Variants in RAI1 observed in about 807,000 individuals in gnomAD.
RAI1 encodes the protein retinoic acid induced 1.
In RAI1, 9 loss-of-function variants were observed where a neutral mutation model predicts 123.8. That is an observed-to-expected ratio of 0.07 (90% CI 0.04 to 0.13). RAI1 has a LOEUF of 0.13. Ranked by LOEUF, RAI1 falls within the 10% of genes least tolerant of loss-of-function variation. The pLI, the probability that RAI1 is intolerant of heterozygous loss-of-function variation, is 1.00. For synonymous variants in RAI1, 1,231 were observed against 1,127.3 expected, an observed-to-expected ratio of 1.09 and a Z score of -1.84; for missense variants, 2,256 against 2,545.8, an observed-to-expected ratio of 0.89 and a Z score of 2.45.
In RAI1 at chr17:17,797,847, TTCCTCA is replaced by T. The variant is rs1402461514; in HGVS notation, c.4905_4910del (p.Ser1638_Ser1639del). On this transcript the variant is annotated inframe_deletion, in exon 3 of 6. Transcript: ENST00000353383. ...GGAAGCCTTCCTCCTCTGCCTCCTC[TTCCTCA>T]TCCTCGTCCTCGTTCTCCTTGGATG... 3.7e-6 allele frequency: 6 copies of T among 1,613,864 alleles called. No individual in the cohort carries two copies. Among genetic ancestry groups the T allele is most frequent in the Non-Finnish European group, 3.4e-6 (4 of 1,180,006 alleles).
At chr17:17,752,180 G>A (rs1219720824) in intron 2 of RAI1, among the ~76,000 whole-genome samples, 1 of 152,174 alleles carries the variant, frequency 6.6e-6, no homozygotes, top group Non-Finnish European at 1.5e-5. Context: ...CATACCCACG[G>A]GCCAGTGCCG....
At chr17:17,798,671 G>A (rs1024077719) in intron 3 of RAI1, among the ~76,000 whole-genome samples, 158 bp downstream of exon 3, 2 of 152,158 alleles carry the variant, frequency 1.3e-5, no homozygotes, top group African/African-American at 2.4e-5. Flanking sequence ...TGGGGTGTGT[G>A]GGGGAAGTGG....
At chr17:17,782,634 C>A (rs1439156491) in intron 2 of RAI1, among the ~76,000 whole-genome samples, 3 of 141,468 alleles carry the variant, frequency 2.1e-5, no homozygotes, top group Non-Finnish European at 4.5e-5. Context: ...GTTGGGGGGG[C>A]GACGAGGACC....
At chr17:17,700,800 G>T (rs963127252) in intron 1 of RAI1, among the ~76,000 whole-genome samples, 21 of 131,770 alleles carry the variant, frequency 1.6e-4, no homozygotes, top group Admixed American at 1.3e-3. Context: ...GCGTTCAACC[G>T]CGCCGGCTTC....
chr17:17,692,759 C>T (rs1013133872), intron 1 of RAI1, among the ~76,000 whole-genome samples: 2 of 152,334 alleles, frequency 1.3e-5, no homozygotes, highest in South Asian at 4.1e-4. Flanking sequence ...CTTTCCTCAT[C>T]TATCAAGTGG....
intron 2 of RAI1, among the ~76,000 whole-genome samples, chr17:17,741,095 A>G (rs1327880255): frequency 1.6e-4 from 24 of 150,814 alleles, no homozygotes; most frequent in Admixed American, 1.3e-3. Flanking sequence ...GCGCGCGCAC[A>G]CACACACACA....
rs576879998 is a variant in RAI1 at position 17,737,711 on chromosome 17, A to G, written c.-17+13552A>G. The stretch of plus-strand genomic sequence containing the variant: ...TGAGGGTGGCCTTATTGCAGCAGAC[A>G]GATGGAGGGGGGCTACAAGGCTGAA... On this transcript the variant is annotated intron_variant, in intron 2 of 5. Coordinates refer to ENST00000353383, the MANE Select transcript of RAI1 (RefSeq NM_030665.4). 5.9e-5 allele frequency among the ~76,000 whole-genome samples: 9 copies of G among 152,250 alleles called. No homozygotes were observed. In the East Asian group the frequency reaches 9.7e-4, roughly 16 times the overall value.
At chr17:17,694,214 G>C (rs574365981) in intron 1 of RAI1, among the ~76,000 whole-genome samples, 13 of 152,310 alleles carry the variant, frequency 8.5e-5, no homozygotes, top group South Asian at 8.3e-4. Flanking sequence ...CAGCCGTGCT[G>C]AGGGGAAACG....
intron 2 of RAI1, among the ~76,000 whole-genome samples, chr17:17,752,779 T>G (rs956344588): frequency 2.6e-5 from 4 of 151,608 alleles, no homozygotes; most frequent in African/African-American, 7.2e-5. Context: ...TTCCGGCCGA[T>G]TCCTCACCCC....
intron 2 of RAI1, among the ~76,000 whole-genome samples, chr17:17,767,383 C>T (rs1816521622): frequency 6.6e-6 from 1 of 150,866 alleles, no homozygotes; most frequent in Admixed American, 6.6e-5. Flanking sequence ...AAACTCAGAG[C>T]TGTTGGTCTT....
At chr17:17,741,117 G>A (rs1023426250) in intron 2 of RAI1, among the ~76,000 whole-genome samples, 8 of 150,882 alleles carry the variant, frequency 5.3e-5, no homozygotes, top group Non-Finnish European at 7.4e-5. Flanking sequence ...ACACACTCGC[G>A]CACGCACACA....
At chr17:17,765,038 A>C (rs935527135) in intron 2 of RAI1, among the ~76,000 whole-genome samples, 9 of 152,180 alleles carry the variant, frequency 5.9e-5, no homozygotes, top group Non-Finnish European at 1.0e-4. Context: ...TAATCGGAGG[A>C]TCTTCGGTGG....
chr17:17,711,273 C>T (rs1480046201), intron 1 of RAI1, among the ~76,000 whole-genome samples: 1 of 152,214 alleles, frequency 6.6e-6, no homozygotes, highest in Non-Finnish European at 1.5e-5. Context: ...GCTGCCGCAG[C>T]ACCCCTGGAG....
intron 2 of RAI1, among the ~76,000 whole-genome samples, chr17:17,732,752 G>T (rs549903883): frequency 6.6e-6 from 1 of 152,122 alleles, no homozygotes; most frequent in Non-Finnish European, 1.5e-5. Context: ...AACCTGCTTC[G>T]TGCAGTCCTG....
At chr17:17,808,631 G>C (rs2032646942) in intron 4 of RAI1, among the ~76,000 whole-genome samples, 1 of 151,820 alleles carries the variant, frequency 6.6e-6, no homozygotes, top group Admixed American at 6.6e-5. Flanking sequence ...ATTTTTGATA[G>C]AGATGAGGTT....
chr17:17,695,911 T>G (rs1013157885), intron 1 of RAI1, among the ~76,000 whole-genome samples: 3 of 152,204 alleles, frequency 2.0e-5, no homozygotes, highest in Non-Finnish European at 4.4e-5. Flanking sequence ...TGTCGGCCTT[T>G]GGGTCTCCGA....
rs2032669576 is a variant in RAI1 at position 17,809,604 on chromosome 17, C to T, written c.5709+165C>T. Among the ~76,000 whole-genome samples, 1 of 152,092 alleles carries T rather than the reference C, an allele frequency of 6.6e-6. No individual in the cohort carries two copies. The highest frequency in any genetic ancestry group is 1.5e-5 in the Non-Finnish European group (1 of 67,982). On this transcript the variant is annotated intron_variant, in intron 5 of 5. Coordinates refer to ENST00000353383, the MANE Select transcript of RAI1 (RefSeq NM_030665.4). The surrounding 1 kb of genome is among the most constrained non-coding windows in gnomAD (Gnocchi z 4.9). ...GCCCACCCCCAGGAGCCCCCGCCGC[C>T]GTCCAGCTCAGGTCCCTGTCCACTT... is the stretch of plus-strand genomic sequence containing the variant.
At chr17:17,705,592 A>G (rs1310272200) in intron 1 of RAI1, among the ~76,000 whole-genome samples, 1 of 152,088 alleles carries the variant, frequency 6.6e-6, no homozygotes, top group Non-Finnish European at 1.5e-5. Context: ...CAGGTGTGGT[A>G]GCACACACTT....
intron 1 of RAI1, among the ~76,000 whole-genome samples, chr17:17,704,062 TG>T (rs764332829): frequency 6.6e-6 from 1 of 152,134 alleles, no homozygotes; most frequent in Non-Finnish European, 1.5e-5. Context: ...GCGGCAGGCT[TG>T]ATGGGCCAGG....
Sources: gnomAD v4.1 joint callset for allele counts (sites outside exome capture counted in the v4.1 genomes callset) on GRCh38, gnomAD v4.1.1 for gene constraint, Gnocchi (gnomAD v3.1) non-coding constraint, MANE v1.5 for transcripts, NCBI Gene and HGNC (gene_info 2026-07-23, HGNC 2026-07-21) for gene names.